Variants in CRYBG1 observed in about 807,000 individuals in gnomAD.
The protein encoded by CRYBG1 is beta/gamma crystallin domain-containing protein 1.
A neutral mutation model predicts 189.2 loss-of-function variants in CRYBG1; 139 were observed. The observed-to-expected ratio is 0.73, with a 90% CI of 0.64 to 0.85. CRYBG1 has a LOEUF of 0.85. Ranked by LOEUF, CRYBG1 falls within the 40% of genes least tolerant of loss-of-function variation. CRYBG1 has a pLI of 0.00. For synonymous variants in CRYBG1, 1,023 were observed against 1,017.1 expected (o/e 1.01, Z -0.11); for missense variants, 2,611 against 2,675.8 (o/e 0.98, Z 0.53).
intron 1 of CRYBG1, chr6:106,420,912 G>A (rs1178761731): frequency 6.6e-6 from 1 of 152,432 alleles, no homozygotes; most frequent in African/African-American, 2.4e-5. Flanking sequence ...CTCAATTGCT[G>A]ATAATGCCAA....
At chr6:106,396,668 C>T (rs929140087) in intron 1 of CRYBG1, among the ~76,000 whole-genome samples, 1 of 152,152 alleles carries the variant, frequency 6.6e-6, no homozygotes, top group African/African-American at 2.4e-5. Context: ...AAAAACAAGA[C>T]CTCAGGGCAA....
chr6:106,466,799 A>G (rs186600751), intron 2 of CRYBG1, among the ~76,000 whole-genome samples: 117 of 152,344 alleles, frequency 7.7e-4, no homozygotes, highest in African/African-American at 2.8e-3. Context: ...AACCTTAGGA[A>G]GTAGAATTTT....
chr6:106,496,314 G>A (rs895695288), intron 2 of CRYBG1, among the ~76,000 whole-genome samples: 4 of 152,174 alleles, frequency 2.6e-5, no homozygotes, highest in Non-Finnish European at 4.4e-5. Context: ...AATGTTGGGC[G>A]TTATTAGCCT....
chr6:106,493,795 G>T (rs1382616096), intron 2 of CRYBG1, among the ~76,000 whole-genome samples: 1 of 152,216 alleles, frequency 6.6e-6, no homozygotes, highest in African/African-American at 2.4e-5. Flanking sequence ...ACACACTGGG[G>T]CCTGTCAGCA....
At chr6:106,488,658 G>A (rs1554185906) in intron 2 of CRYBG1, among the ~76,000 whole-genome samples, 1 of 152,172 alleles carries the variant, frequency 6.6e-6, no homozygotes. Flanking sequence ...AGGCAGGGGG[G>A]TGGGTGCCTG....
rs772332199 is a variant in CRYBG1, at chr6:106,520,012, C to G, written c.2804C>G (p.Pro935Arg). 1 of 1,614,160 alleles carries G rather than the reference C, an allele frequency of 6.2e-7. No homozygotes were observed. The highest frequency in any genetic ancestry group is 8.5e-7 in the Non-Finnish European group (1 of 1,180,032). Residue 935 changes from proline to arginine, a missense_variant, in exon 4 of 22, where the codon CCT (proline) becomes CGT (arginine). Transcript: ENST00000633556. Reference sequence around the variant, plus strand: ...GAACTTGGAGGAGAAACAACCCCTCCTTTGTCCACAGAGCGTAGTCCAGAA... The same window carrying G: ...GAACTTGGAGGAGAAACAACCCCTCGTTTGTCCACAGAGCGTAGTCCAGAA... ...LLELGGETTP[P>R]LSTERSPEAV... is the part of the protein sequence containing the mutation.
intron 11 of CRYBG1, 132 bp downstream of exon 11, chr6:106,543,729 C>T (rs1236625663): frequency 9.7e-7 from 1 of 1,027,798 alleles, no homozygotes; most frequent in Non-Finnish European, 1.4e-6. Flanking sequence ...TATCCACATT[C>T]TCCTCAGCCT....
intron 21 of CRYBG1, among the ~76,000 whole-genome samples, chr6:106,567,728 A>C (rs1774933061): frequency 6.6e-6 from 1 of 152,218 alleles, no homozygotes; most frequent in Non-Finnish European, 1.5e-5. Context: ...ACTTCTCCAA[A>C]GAAAGAAGCC....
At chr6:106,379,620 AC>A (rs1770248198) in intron 1 of CRYBG1, among the ~76,000 whole-genome samples, 1 of 151,902 alleles carries the variant, frequency 6.6e-6, no homozygotes, top group Non-Finnish European at 1.5e-5. Context: ...AGTGCAGTAT[AC>A]GATCACAGCT....
At chr6:106,463,628 C>A (rs1772059063) in intron 2 of CRYBG1, among the ~76,000 whole-genome samples, 1 of 152,126 alleles carries the variant, frequency 6.6e-6, no homozygotes, top group African/African-American at 2.4e-5. Context: ...GCTGAAGTGA[C>A]AGTTGGAGAT....
At chr6:106,465,094 A>G (rs1006661497) in intron 2 of CRYBG1, among the ~76,000 whole-genome samples, 2 of 152,166 alleles carry the variant, frequency 1.3e-5, no homozygotes, top group Non-Finnish European at 1.5e-5. Context: ...CCCAGCTGGC[A>G]TTGTCTGACA....
At chr6:106,450,383 G>T (rs1448930868) in intron 1 of CRYBG1, among the ~76,000 whole-genome samples, 1 of 152,102 alleles carries the variant, frequency 6.6e-6, no homozygotes, top group Admixed American at 6.6e-5. Flanking sequence ...TCCCACAAAA[G>T]CTTCCGTTTC....
At chr6:106,516,557 A>G (rs191296555) in intron 3 of CRYBG1, among the ~76,000 whole-genome samples, 1 of 152,356 alleles carries the variant, frequency 6.6e-6, no homozygotes, top group Non-Finnish European at 1.5e-5. Flanking sequence ...ATGAAGGCCA[A>G]GTCCATGAAG....
chr6:106,424,464 A>G (rs1771189811), intron 1 of CRYBG1, among the ~76,000 whole-genome samples: 2 of 151,904 alleles, frequency 1.3e-5, no homozygotes. Context: ...CTGATTACCC[A>G]CCACCTCTTT....
Position 106,563,796 on chromosome 6 carries a change from C to A in CRYBG1, c.6171C>A (p.Gly2057=). Residue 2057 remains glycine, a synonymous_variant, in exon 21 of 22, where the codon GGC becomes GGA. Transcript: ENST00000633556. ...AAGACTGCTGCCTGACGATTGTGGG[C>A]AGCCTGGTAACATCTGGCTCCAAGC... is the stretch of plus-strand genomic sequence containing the variant. ...IAEDCCLTIV[G]SLVTSGSKLG... The A allele has an allele frequency of 2.5e-6, 4 of 1,610,408 alleles. No individual in the cohort carries two copies. Among genetic ancestry groups the A allele is most frequent in the Non-Finnish European group, 3.4e-6 (4 of 1,176,822 alleles).
intron 21 of CRYBG1, among the ~76,000 whole-genome samples, chr6:106,566,448 C>T (rs61113468): frequency 0.019 from 2,637 of 142,208 alleles, 65 homozygotes; most frequent in African/African-American, 0.066. Flanking sequence ...GTATCTAGCA[C>T]GGTAGCAACA....
chr6:106,464,495 A>C (rs1280311624), intron 2 of CRYBG1, among the ~76,000 whole-genome samples: 3 of 151,600 alleles, frequency 2.0e-5, no homozygotes, highest in Non-Finnish European at 4.4e-5. Context: ...TTTGTCTCAA[A>C]AAAAAAAAAA....
At chr6:106,496,124 A>C (rs1277087744) in intron 2 of CRYBG1, among the ~76,000 whole-genome samples, 1 of 152,228 alleles carries the variant, frequency 6.6e-6, no homozygotes, top group Non-Finnish European at 1.5e-5. Flanking sequence ...TTTGGACACA[A>C]AAATTTATTG....
chr6:106,412,211 G>A (rs1043339296), intron 1 of CRYBG1, among the ~76,000 whole-genome samples: 13 of 152,158 alleles, frequency 8.5e-5, no homozygotes, highest in Middle Eastern at 3.2e-3. Flanking sequence ...CCTCACTGTG[G>A]GGCACCACCC....
Sources: gnomAD v4.1 joint callset for allele counts (sites outside exome capture counted in the v4.1 genomes callset) on GRCh38, gnomAD v4.1.1 for gene constraint, MANE v1.5 for transcripts, NCBI Gene and HGNC (gene_info 2026-07-23, HGNC 2026-07-21) for gene names.